MCHR2: variants seen among roughly 807,000 people sequenced by gnomAD.
MCHR2 encodes the protein melanin concentrating hormone receptor 2, also known as melanin-concentrating hormone receptor 2.
Under a neutral mutation model 24.8 loss-of-function variants are expected in MCHR2, and 15 were observed. That is an observed-to-expected ratio of 0.60 (90% CI 0.40 to 0.93). The LOEUF (loss-of-function observed/expected upper bound fraction) is 0.93. Among genes scored for constraint, MCHR2 ranks in the 40% least tolerant of loss-of-function variants. The pLI is 0.00. For synonymous variants in MCHR2, 151 were observed against 147.6 expected (o/e 1.02, Z -0.17); for missense variants, 386 against 408.7 (o/e 0.94, Z 0.48).
chr6:99,946,681 C>T lies in MCHR2; in HGVS notation c.392+1081G>A, dbSNP rs1037708691. ...ACATCTGAGGTACAAGGGAATGAGA[C>T]AATAAATAACACACACACACACGTG... is the stretch of plus-strand genomic sequence containing the variant. On this transcript the variant is annotated intron_variant, in intron 3 of 5. Coordinates refer to ENST00000281806, the MANE Select transcript of MCHR2 (RefSeq NM_001040179.2). 4.6e-5 allele frequency among the ~76,000 whole-genome samples: 7 copies of T among 151,974 alleles called. 1 individual carries two copies. Among genetic ancestry groups the T allele is most frequent in the Admixed American group, 1.3e-4 (2 of 15,250 alleles).
intron 1 of MCHR2, among the ~76,000 whole-genome samples, chr6:99,974,635 T>C (rs1775510027): frequency 6.6e-6 from 1 of 152,242 alleles, no homozygotes; most frequent in Non-Finnish European, 1.5e-5. Flanking sequence ...GGAGAGGCGC[T>C]CTGCTTTTTA....
chr6:99,928,643 C>G (rs1048278837), intron 5 of MCHR2, among the ~76,000 whole-genome samples: 38 of 152,156 alleles, frequency 2.5e-4, no homozygotes, highest in African/African-American at 8.7e-4. Flanking sequence ...TGGTAGTGTT[C>G]TCTGATGGTA....
intron 1 of MCHR2, among the ~76,000 whole-genome samples, chr6:99,968,098 T>C (rs976765904): frequency 6.6e-6 from 1 of 152,214 alleles, no homozygotes; most frequent in African/African-American, 2.4e-5. Flanking sequence ...TCAATTAATA[T>C]CAGTTATTAC....
At chr6:99,927,376 G>T (rs973121222) in intron 5 of MCHR2, among the ~76,000 whole-genome samples, 2 of 152,174 alleles carry the variant, frequency 1.3e-5, no homozygotes, top group African/African-American at 4.8e-5. Context: ...TGTGAAGAAG[G>T]TCATTGGTAG....
chr6:99,983,410 T>C (rs1433269192), intron 1 of MCHR2, among the ~76,000 whole-genome samples: 4 of 152,210 alleles, frequency 2.6e-5, no homozygotes, highest in African/African-American at 9.6e-5. Context: ...AATATGCATG[T>C]CACTCATCTT....
intron 1 of MCHR2, among the ~76,000 whole-genome samples, chr6:99,967,576 G>C (rs894919119): frequency 6.6e-6 from 1 of 152,112 alleles, no homozygotes; most frequent in African/African-American, 2.4e-5. Flanking sequence ...TGGTAAGCCA[G>C]CTTTTGGCTG....
intron 5 of MCHR2, among the ~76,000 whole-genome samples, chr6:99,921,882 C>G (rs1171710781): frequency 6.6e-6 from 1 of 152,122 alleles, no homozygotes; most frequent in Non-Finnish European, 1.5e-5. Flanking sequence ...TGATGTTTGT[C>G]TTTCTGTGCC....
intron 1 of MCHR2, among the ~76,000 whole-genome samples, chr6:99,986,665 C>T (rs950697557): frequency 1.3e-5 from 2 of 151,858 alleles, no homozygotes; most frequent in Non-Finnish European, 2.9e-5. Context: ...ACGGAGATTC[C>T]AAAAGGTGGG....
At chr6:99,964,191 G>A (rs1237269203) in intron 1 of MCHR2, among the ~76,000 whole-genome samples, 1 of 152,038 alleles carries the variant, frequency 6.6e-6, no homozygotes, top group African/African-American at 2.4e-5. Flanking sequence ...ATATCACTCT[G>A]GAAAACAAGG....
chr6:99,931,170 T>G (rs1774521604), intron 5 of MCHR2, among the ~76,000 whole-genome samples: 1 of 152,172 alleles, frequency 6.6e-6, no homozygotes, highest in African/African-American at 2.4e-5. Flanking sequence ...GAACCGCGAA[T>G]GCTGCTGTCT....
intron 1 of MCHR2, among the ~76,000 whole-genome samples, chr6:99,960,915 C>T (rs1258441719): frequency 6.6e-6 from 1 of 152,130 alleles, no homozygotes; most frequent in Non-Finnish European, 1.5e-5. Flanking sequence ...AGGACATAGA[C>T]ATGGGCAAAG....
intron 2 of MCHR2, among the ~76,000 whole-genome samples, chr6:99,949,117 T>A (rs1342467273): frequency 1.3e-5 from 2 of 152,194 alleles, no homozygotes; most frequent in African/African-American, 4.8e-5. Flanking sequence ...TAAGCAGGTA[T>A]CATCTTTATC....
chr6:99,926,180 C>T (rs1774354036), intron 5 of MCHR2, among the ~76,000 whole-genome samples: 1 of 152,118 alleles, frequency 6.6e-6, no homozygotes, highest in African/African-American at 2.4e-5. Context: ...TTTTTTATGG[C>T]TGCATAGTAT....
At chr6:99,970,785 G>A (rs962853673) in intron 1 of MCHR2, among the ~76,000 whole-genome samples, 3 of 152,182 alleles carry the variant, frequency 2.0e-5, no homozygotes, top group African/African-American at 7.2e-5. Flanking sequence ...CATATGGCTA[G>A]CCAGTTTTCC....
At chr6:99,982,881 T>A (rs1775697531) in intron 1 of MCHR2, among the ~76,000 whole-genome samples, 1 of 152,210 alleles carries the variant, frequency 6.6e-6, no homozygotes, top group East Asian at 1.9e-4. Context: ...GACAGAGCAC[T>A]GTCTTGGTAA....
intron 1 of MCHR2, among the ~76,000 whole-genome samples, chr6:99,972,359 G>A (rs1340614554): frequency 6.6e-6 from 1 of 152,114 alleles, no homozygotes; most frequent in African/African-American, 2.4e-5. Context: ...AGAGGTGTTG[G>A]TAGTATTCTC....
intron 1 of MCHR2, among the ~76,000 whole-genome samples, chr6:99,956,684 G>A (rs1320586790): frequency 1.3e-5 from 2 of 152,112 alleles, no homozygotes; most frequent in East Asian, 1.9e-4. Context: ...GGGAGAGTTA[G>A]CTCAGCAAAT....
intron 1 of MCHR2, among the ~76,000 whole-genome samples, chr6:99,973,489 C>G (rs909323124): frequency 2.6e-5 from 4 of 152,174 alleles, no homozygotes; most frequent in African/African-American, 4.8e-5. Flanking sequence ...CTGAATACAG[C>G]ACTCTGATGG....
chr6:99,937,565 C>T (rs991639654), intron 4 of MCHR2, among the ~76,000 whole-genome samples: 17 of 151,802 alleles, frequency 1.1e-4, no homozygotes, highest in Non-Finnish European at 2.2e-4. Flanking sequence ...TCTACTTGCT[C>T]ATGATATACG....
Sources: allele counts gnomAD v4.1 joint callset (sites outside exome capture counted in the v4.1 genomes callset), GRCh38; gene constraint gnomAD v4.1.1; transcripts MANE v1.5; gene names NCBI Gene and HGNC (gene_info 2026-07-23, HGNC 2026-07-21).